Variants in MAST1 observed in about 807,000 individuals in gnomAD.
MAST1 encodes the protein microtubule associated serine/threonine kinase 1, also known as microtubule-associated serine/threonine-protein kinase 1.
A neutral mutation model predicts 124.6 loss-of-function variants in MAST1; 40 were observed. The observed-to-expected ratio is 0.32, with a 90% confidence interval of 0.25 to 0.42. MAST1 has a LOEUF of 0.42. Ranked by LOEUF, MAST1 falls within the 10% of genes least tolerant of loss-of-function variation. The pLI, the probability that MAST1 is intolerant of heterozygous loss-of-function variation, is 1.00. For missense variants in MAST1, 1,558 were observed against 2,181.9 expected (o/e 0.71, Z 5.70); for synonymous variants, 938 against 939.4 (o/e 1.00, Z 0.03).
Position 12,841,193 on chromosome 19 carries a change from A to G in MAST1, c.248+127A>G, listed in dbSNP as rs1305275717. On this transcript the variant is annotated intron_variant, in intron 3 of 25. Transcript: ENST00000251472. The surrounding 1 kb of genome is among the most constrained non-coding windows in gnomAD (Gnocchi z 4.3). Reference sequence around the variant, plus strand: ...CCTGAGGGGACCAGCGAGTGCCCCAAGGTCTCAGCGGGAAGGAGCGCCTAG... The same window carrying G: ...CCTGAGGGGACCAGCGAGTGCCCCAGGGTCTCAGCGGGAAGGAGCGCCTAG... The G allele has an allele frequency of 3.2e-6, 2 of 618,394 alleles. No homozygotes were observed. Among genetic ancestry groups the G allele is most frequent in the Non-Finnish European group, 5.9e-6 (2 of 339,184 alleles). The allele number at this position is 618,394 out of a possible 1,614,324, so 38.3% of individuals were successfully genotyped here. A position where few individuals can be genotyped will look rare whatever the true frequency, so the allele number is the denominator to read the frequency against.
At chr19:12,845,454 T>G (rs1015520303) in intron 4 of MAST1, among the ~76,000 whole-genome samples, 9 of 141,896 alleles carry the variant, frequency 6.3e-5, no homozygotes, top group African/African-American at 2.2e-4. Context: ...TGTGATGGCT[T>G]GTGCCTGAAG....
At position 12,871,036 on chromosome 19, in the gene MAST1, A is replaced by G; in HGVS notation, c.3127A>G (p.Ser1043Gly). Reference sequence around the variant, plus strand: ...GCATTTTCCCGCATTCTTCCCCCAGAGTGGCAACAAGGTAGCAGTGACCAC... The same window carrying G: ...GCATTTTCCCGCATTCTTCCCCCAGGGTGGCAACAAGGTAGCAGTGACCAC... ...HPEVVELILK[S>G]GNKVAVTTTP... Residue 1043 changes from serine to glycine, a missense_variant and splice_region_variant, in exon 24 of 26, where the codon AGT (serine) becomes GGT (glycine). Around this residue, in one of 10 missense-constraint regions of MAST1, gnomAD observed 291 missense variants for 475.8 expected, o/e 0.61. Transcript: ENST00000251472. 6.2e-7 allele frequency: 1 copy of G among 1,614,168 alleles called. No homozygotes were observed. Among genetic ancestry groups the G allele is most frequent in the Non-Finnish European group, 8.5e-7 (1 of 1,180,020 alleles).
Position 12,865,184 on chromosome 19 carries a change from T to G in MAST1, c.1638+6T>G, listed in dbSNP as rs1433986943. ...GAGAGTTCCTGGACAAACAGGTGTG[T>G]GTGCGGGCATGGGGGTCGCTGAGGG... On this transcript the variant is annotated splice_donor_region_variant and intron_variant, in intron 14 of 25. Coordinates refer to ENST00000251472, the MANE Select transcript of MAST1 (RefSeq NM_014975.3). This position sits in a 1 kb window ranked among gnomAD's most constrained non-coding sequence, Gnocchi z 7.1. 4 of 1,613,204 alleles carry G rather than the reference T, an allele frequency of 2.5e-6. No homozygotes were observed. The South Asian group carries it at 4.4e-5, about 18-fold the overall frequency.
rs1970140645 is a variant in MAST1, at chr19:12,865,514, G to A, written c.1804+33G>A. ...GCTTGGCAGTGTACAGGGGCAGAGTGTGGTGTGCACGGAGAGATGGACAGG... is the reference window on the plus strand; with the variant it reads ...GCTTGGCAGTGTACAGGGGCAGAGTATGGTGTGCACGGAGAGATGGACAGG... On this transcript the variant is annotated intron_variant, in intron 15 of 25. Coordinates refer to ENST00000251472, the MANE Select transcript of MAST1 (RefSeq NM_014975.3). This position sits in a 1 kb window ranked among gnomAD's most constrained non-coding sequence, Gnocchi z 7.1. The A allele has an allele frequency of 1.9e-6, 3 of 1,550,348 alleles. No homozygotes were observed. Among genetic ancestry groups the A allele is most frequent in the Non-Finnish European group, 2.6e-6 (3 of 1,148,590 alleles).
chr19:12,840,365 A>C, intron 1 of MAST1, 81 bp from the exon 2 acceptor site: 2 of 866,238 alleles, frequency 2.3e-6, no homozygotes, highest in Non-Finnish European at 3.8e-6. Context: ...CGGGGATCTG[A>C]GACAGGAGGT....
At chr19:12,853,649 C>T (rs1218201012) in intron 10 of MAST1, among the ~76,000 whole-genome samples, 2 of 152,028 alleles carry the variant, frequency 1.3e-5, no homozygotes, top group South Asian at 4.1e-4. Flanking sequence ...GGGTGGATCA[C>T]TTGAGGTCAG....
Position 12,866,333 on chromosome 19 carries a change from G to T in MAST1, c.2029+231G>T, listed in dbSNP as rs1161208532. 2.6e-5 allele frequency among the ~76,000 whole-genome samples: 4 copies of T among 152,048 alleles called. No homozygotes were observed. Among genetic ancestry groups the T allele is most frequent in the Admixed American group, 1.3e-4 (2 of 15,268 alleles). On this transcript the variant is annotated intron_variant, in intron 17 of 25. Coordinates refer to ENST00000251472, the MANE Select transcript of MAST1 (RefSeq NM_014975.3). This position sits in a 1 kb window ranked among gnomAD's most constrained non-coding sequence, Gnocchi z 5.2. ...GAGATTGGGCTAGGTGTGGGGCCTG[G>T]CCTGGGTGAGTTGTGAGTGTGGGCC...
chr19:12,869,769 T>C (rs973354785), intron 22 of MAST1, among the ~76,000 whole-genome samples: 40 of 151,506 alleles, frequency 2.6e-4, no homozygotes, highest in African/African-American at 7.7e-4. Flanking sequence ...ATGGGGAGAA[T>C]AGGCCAGGCG....
chr19:12,868,072 A>T, intron 20 of MAST1, 95 bp downstream of exon 20: 1 of 1,213,280 alleles, frequency 8.2e-7, no homozygotes, highest in Non-Finnish European at 1.1e-6. Flanking sequence ...TTTATGAAAG[A>T]TCTCAGGTCC....
chr19:12,845,518 G>A (rs1969882758), intron 4 of MAST1, among the ~76,000 whole-genome samples: 1 of 149,996 alleles, frequency 6.7e-6, no homozygotes. Context: ...CAGGAGGTGG[G>A]GGTTGCAGTG....
Position 12,865,085 on chromosome 19 carries a change from T to C in MAST1, c.1545T>C (p.Asp515=). 1 of 1,614,102 alleles carries C rather than the reference T, an allele frequency of 6.2e-7. No homozygotes were observed. The highest frequency in any genetic ancestry group is 8.5e-7 in the Non-Finnish European group (1 of 1,180,006). ...ITSMGHIKLT[D]FGLSKMGLMS... ...CCATGGGTCACATCAAGCTCACAGA[T>C]TTCGGCCTCTCCAAGATGGGGCTCA... The change falls in exon 14 of 26, where the codon GAT becomes GAC. Residue 515 remains aspartate (D), a synonymous_variant. Transcript: ENST00000251472. This position sits in a 1 kb window ranked among gnomAD's most constrained non-coding sequence, Gnocchi z 7.1.
chr19:12,855,319 T>C (rs921105802), intron 10 of MAST1, among the ~76,000 whole-genome samples: 1 of 152,120 alleles, frequency 6.6e-6, no homozygotes, highest in Non-Finnish European at 1.5e-5. Flanking sequence ...GGGCCTTCTC[T>C]TGAAAAATCA....
At chr19:12,859,607 T>C (rs762797842) in intron 12 of MAST1, among the ~76,000 whole-genome samples, 3 of 152,096 alleles carry the variant, frequency 2.0e-5, no homozygotes, top group Non-Finnish European at 4.4e-5. Flanking sequence ...AAGACCAGCC[T>C]GGCCAACATG....
At chr19:12,850,505 A>C (rs902934131) in intron 7 of MAST1, among the ~76,000 whole-genome samples, 1 of 152,230 alleles carries the variant, frequency 6.6e-6, no homozygotes, top group African/African-American at 2.4e-5. Flanking sequence ...ACATTATTTT[A>C]AGTTTACATA....
intron 4 of MAST1, among the ~76,000 whole-genome samples, chr19:12,844,567 G>C (rs1286957431): frequency 6.6e-6 from 1 of 152,188 alleles, no homozygotes; most frequent in East Asian, 1.9e-4. Flanking sequence ...AAGGCTTCCT[G>C]GAGGAGGTGA....
chr19:12,861,424 G>T (rs1248733417), intron 12 of MAST1, among the ~76,000 whole-genome samples: 2 of 152,178 alleles, frequency 1.3e-5, no homozygotes, highest in African/African-American at 4.8e-5. Context: ...GGGGAGGCAG[G>T]CAGGGAGCTT....
rs911409659 is a variant in MAST1 at position 12,840,993 on chromosome 19, A to G, written c.175A>G (p.Ser59Gly). Residue 59 changes from serine to glycine, a missense_variant and splice_region_variant, in exon 3 of 26, where the codon AGC (serine) becomes GGC (glycine). Physicochemically the swap from Ser to Gly is moderately conservative, Grantham distance 56. Transcript: ENST00000251472. ...PHSPLPGHLG[S>G]SPLDSPRNFS... ...TTTGCCCCCTCTTTCTCTCATAGGCAGCAGTCCCCTGGACAGCCCCCGAAA... is the reference window on the plus strand; with the variant it reads ...TTTGCCCCCTCTTTCTCTCATAGGCGGCAGTCCCCTGGACAGCCCCCGAAA... The G allele has an allele frequency of 6.4e-6, 8 of 1,247,418 alleles. No individual in the cohort carries two copies. Among genetic ancestry groups the G allele is most frequent in the Non-Finnish European group, 9.5e-6 (8 of 844,382 alleles). The allele number at this position is 1,247,418 out of a possible 1,614,324, so 77.3% of individuals were successfully genotyped here. A position where few individuals can be genotyped will look rare whatever the true frequency, so the allele number is the denominator to read the frequency against.
chr19:12,866,558 T>C lies in MAST1; in HGVS notation c.2030-95T>C. On this transcript the variant is annotated intron_variant, in intron 17 of 25. Coordinates refer to ENST00000251472, the MANE Select transcript of MAST1 (RefSeq NM_014975.3). The surrounding 1 kb of genome is among the most constrained non-coding windows in gnomAD (Gnocchi z 5.2). The stretch of plus-strand genomic sequence containing the variant: ...AGGGGCGTGGCCTGACCTGAAGACT[T>C]GTAAACCCGTCTTGAACCAGGACTG... 1 of 802,624 alleles carries C rather than the reference T, an allele frequency of 1.2e-6. No individual in the cohort carries two copies. Among genetic ancestry groups the C allele is most frequent in the South Asian group, 1.6e-5 (1 of 64,464 alleles). The allele number at this position is 802,624 out of a possible 1,614,324, so 49.7% of individuals were successfully genotyped here.
At chr19:12,839,774 G>A (rs1335783776) in intron 1 of MAST1, among the ~76,000 whole-genome samples, 1 of 152,148 alleles carries the variant, frequency 6.6e-6, no homozygotes, top group Non-Finnish European at 1.5e-5. Flanking sequence ...CAGGCATGGT[G>A]GCAGGCACCT....
Sources: gnomAD v4.1 joint callset for allele counts (sites outside exome capture counted in the v4.1 genomes callset) on GRCh38, gnomAD v4.1.1 for gene constraint, gnomAD v4.1.1 regional missense constraint, Gnocchi (gnomAD v3.1) non-coding constraint, MANE v1.5 for transcripts, NCBI Gene and HGNC (gene_info 2026-07-23, HGNC 2026-07-21) for gene names.